The following MRPS25 variants were observed in gnomAD, a reference collection of about 807,000 sequenced individuals.
The protein encoded by MRPS25 is small ribosomal subunit protein mS25.
MRPS25 carries 15 observed loss-of-function variants against 17.3 expected under a neutral mutation model. The observed-to-expected ratio is 0.87, with a 90% CI of 0.58 to 1.34. The LOEUF is 1.34. Among genes scored for constraint, MRPS25 ranks in the 40% most tolerant of loss-of-function variants. MRPS25 has a pLI of 0.00. For missense variants in MRPS25, 225 were observed against 218.6 expected (o/e 1.03, Z -0.19); for synonymous variants, 94 against 83.3 (o/e 1.13, Z -0.70).
rs988198183 is a variant in MRPS25 at position 15,065,268 on chromosome 3, G to A, written c.-74C>T. ...GACGAGAAAGGACTAGCTAGCACCC[G>A]CGCGGATCTCACGCGGCTTCTCCCC... On this transcript the variant is annotated 5_prime_UTR_variant, in exon 1 of 4. Coordinates refer to ENST00000253686, the MANE Select transcript of MRPS25 (RefSeq NM_022497.5). 2.4e-5 allele frequency: 35 copies of A among 1,462,086 alleles called. No individual in the cohort carries two copies. Among genetic ancestry groups the A allele is most frequent in the Non-Finnish European group, 3.0e-5 (33 of 1,105,514 alleles). 90.6% of individuals were successfully genotyped at this position (1,462,086 alleles called of 1,614,324 possible). A position where few individuals can be genotyped will look rare whatever the true frequency, so the allele number is the denominator to read the frequency against.
At chr3:15,064,637 T>A (rs188817476) in intron 1 of MRPS25, among the ~76,000 whole-genome samples, 1 of 152,228 alleles carries the variant, frequency 6.6e-6, no homozygotes, top group Non-Finnish European at 1.5e-5. Context: ...GTGCGAGATA[T>A]GATCAGTGTT....
intron 1 of MRPS25, among the ~76,000 whole-genome samples, chr3:15,064,191 T>G (rs2042821546): frequency 6.6e-6 from 1 of 152,122 alleles, no homozygotes; most frequent in Non-Finnish European, 1.5e-5. Context: ...CCTCCATCAC[T>G]GCTGAACTCC....
rs756387145 is a variant in MRPS25, at chr3:15,065,224, G to C, written c.-30C>G. ...GCAACGGTGGCGGGGCCGACCCCACGGGCCGCGAGCCGAGCAGCGACGAGA... is the reference window on the plus strand; with the variant it reads ...GCAACGGTGGCGGGGCCGACCCCACCGGCCGCGAGCCGAGCAGCGACGAGA... On this transcript the variant is annotated 5_prime_UTR_variant, in exon 1 of 4. Transcript: ENST00000253686. 7.4e-5 allele frequency: 115 copies of C among 1,558,494 alleles called. No individual in the cohort carries two copies. Among genetic ancestry groups the C allele is most frequent in the Non-Finnish European group, 9.7e-5 (112 of 1,154,660 alleles).
chr3:15,057,892 C>G (rs1051262824), intron 2 of MRPS25, among the ~76,000 whole-genome samples: 1 of 152,102 alleles, frequency 6.6e-6, no homozygotes, highest in African/African-American at 2.4e-5. Context: ...CTAATCTTCT[C>G]TTTTTTTTAT....
chr3:15,042,592 G>A, downstream of MRPS25: 1 of 376,824 alleles, frequency 2.7e-6, no homozygotes, highest in Non-Finnish European at 4.7e-6. Context: ...TGGGGGTGAG[G>A]AGAGTTGGAA....
chr3:15,063,175 AC>A (rs60031116), intron 1 of MRPS25, among the ~76,000 whole-genome samples: 1,817 of 152,292 alleles, frequency 0.012, 29 homozygotes, highest in African/African-American at 0.041. Context: ...ATTTAAGGAA[AC>A]TAAGGTCAGA....
intron 1 of MRPS25, among the ~76,000 whole-genome samples, chr3:15,060,649 G>A (rs533893525): frequency 7.9e-5 from 12 of 152,086 alleles, no homozygotes; most frequent in African/African-American, 2.9e-4. Context: ...TTGGGAGGCC[G>A]AGGCGGGTGG....
rs1356834339 is a variant in MRPS25 at position 15,048,862 on chromosome 3, G to GGGCTGGTAAT, written c.*3578_*3579insATTACCAGCC. 3.3e-5 allele frequency: 5 copies of GGGCTGGTAAT among 152,628 alleles called. No homozygotes were observed. The highest frequency in any genetic ancestry group is 7.3e-5 in the Non-Finnish European group (5 of 68,040). 9.5% of individuals were successfully genotyped at this position (152,628 alleles called of 1,614,324 possible). A position where few individuals can be genotyped will look rare whatever the true frequency, so the allele number is the denominator to read the frequency against. On this transcript the variant is annotated 3_prime_UTR_variant, in exon 4 of 4. Transcript: ENST00000253686. ...TAACTGCATTACCAGCCCTTTTAAA[G>GGGCTGGTAAT]GCATCTATCTATCAAAGGAAAATTT... is the stretch of plus-strand genomic sequence containing the variant.
intron 2 of MRPS25, 36 bp downstream of exon 2, chr3:15,059,333 G>T (rs367553774): frequency 1.4e-6 from 2 of 1,407,250 alleles, no homozygotes; most frequent in Non-Finnish European, 1.0e-6. Context: ...GGCATGTCTG[G>T]GACAGCCCCT....
At chr3:15,063,235 C>T (rs1291649114) in intron 1 of MRPS25, among the ~76,000 whole-genome samples, 2 of 152,142 alleles carry the variant, frequency 1.3e-5, no homozygotes, top group African/African-American at 4.8e-5. Context: ...GTCTGGCCTT[C>T]GATCACACTG....
rs2042606903 is a variant in MRPS25 at position 15,051,611 on chromosome 3, C to T, written c.*830G>A. Reference sequence around the variant, plus strand: ...ATGAGGAAAGAACAAGGAAGGTGCTCAGTAATGCAGCACTCCCTCCTCCAG... The same window carrying T: ...ATGAGGAAAGAACAAGGAAGGTGCTTAGTAATGCAGCACTCCCTCCTCCAG... On this transcript the variant is annotated 3_prime_UTR_variant, in exon 4 of 4. Transcript: ENST00000253686. 1 of 985,364 alleles carries T rather than the reference C, an allele frequency of 1.0e-6. No homozygotes were observed. Among genetic ancestry groups the T allele is most frequent in the Non-Finnish European group, 1.2e-6 (1 of 829,994 alleles). The allele number at this position is 985,364 out of a possible 1,614,324, so 61.0% of individuals were successfully genotyped here. A position where few individuals can be genotyped will look rare whatever the true frequency, so the allele number is the denominator to read the frequency against.
chr3:15,059,543 T>A, intron 1 of MRPS25, 68 bp from the exon 2 acceptor site: 6 of 1,050,672 alleles, frequency 5.7e-6, no homozygotes, highest in Non-Finnish European at 8.6e-6. Flanking sequence ...CGTGGGTATT[T>A]TTCTAGGGAG....
intron 2 of MRPS25, among the ~76,000 whole-genome samples, chr3:15,058,315 G>A (rs1293433559): frequency 2.6e-5 from 4 of 151,962 alleles, no homozygotes; most frequent in Non-Finnish European, 4.4e-5. Flanking sequence ...TCAGCCTCCC[G>A]AGTAGCTGGG....
At chr3:15,045,544 C>T (rs1361785238), downstream of MRPS25, 1 of 151,290 alleles carries the variant, frequency 6.6e-6, no homozygotes, top group Non-Finnish European at 1.5e-5. Context: ...ATCCTCTTGG[C>T]CTTACTTTGA....
chr3:15,045,839 TACTGGCCTG>T (rs1332574572), downstream of MRPS25: 1 of 152,350 alleles, frequency 6.6e-6, no homozygotes, highest in Non-Finnish European at 1.5e-5. Context: ...CTCCCTCTTC[TACTGGCCTG>T]GCTGCTCCTC....
chr3:15,060,515 C>CAAAAAAAAAA (rs35071871), intron 1 of MRPS25, among the ~76,000 whole-genome samples: 2 of 81,106 alleles, frequency 2.5e-5, no homozygotes, highest in African/African-American at 1.1e-4. Flanking sequence ...GGTCCTCTCT[C>CAAAAAAAAAA]AAAAAAAAAA....
rs1559325747 is a variant in MRPS25 at position 15,050,814 on chromosome 3, C to T, written c.*1627G>A. ...CATCACCCCAAACCCAGATCTGGTA[C>T]AGAATCAAACTTGAGCATCAAATGT... On this transcript the variant is annotated 3_prime_UTR_variant, in exon 4 of 4. Transcript: ENST00000253686. The T allele has an allele frequency of 2.0e-6, 2 of 985,230 alleles. No homozygotes were observed. Among genetic ancestry groups the T allele is most frequent in the African/African-American group, 1.7e-5 (1 of 57,218 alleles). 61.0% of individuals were successfully genotyped at this position (985,230 alleles called of 1,614,324 possible). A position where few individuals can be genotyped will look rare whatever the true frequency, so the allele number is the denominator to read the frequency against.
At chr3:15,061,571 T>G (rs1046020783) in intron 1 of MRPS25, among the ~76,000 whole-genome samples, 1 of 152,148 alleles carries the variant, frequency 6.6e-6, no homozygotes, top group Non-Finnish European at 1.5e-5. Context: ...CGCTATAGCC[T>G]CCACCTCCCA....
downstream of MRPS25, chr3:15,043,096 A>T: frequency 1.6e-6 from 2 of 1,284,232 alleles, no homozygotes; most frequent in Non-Finnish European, 2.1e-6. Flanking sequence ...GGTATGTGCA[A>T]ATATTTCCAT....
Sources: allele counts gnomAD v4.1 joint callset (sites outside exome capture counted in the v4.1 genomes callset), GRCh38; gene constraint gnomAD v4.1.1; transcripts MANE v1.5; gene names NCBI Gene and HGNC (gene_info 2026-07-23, HGNC 2026-07-21).